Variants in HS3ST4 observed in about 807,000 individuals in gnomAD.
The protein encoded by HS3ST4 is heparan sulfate-glucosamine 3-sulfotransferase 4.
HS3ST4 carries 17 observed loss-of-function variants against 29.2 expected under a neutral mutation model. The observed-to-expected ratio is 0.58, with a 90% confidence interval of 0.40 to 0.87. The LOEUF is 0.87. Ranked by LOEUF, HS3ST4 falls within the 40% of genes least tolerant of loss-of-function variation. HS3ST4 has a pLI of 0.00. For missense variants in HS3ST4, 627 were observed against 634.5 expected, an observed-to-expected ratio of 0.99 and a Z score of 0.13; for synonymous variants, 314 against 285.7, an observed-to-expected ratio of 1.10 and a Z score of -1.00.
chr16:26,085,389 A>T (rs1341557342), intron 1 of HS3ST4, among the ~76,000 whole-genome samples: 1 of 152,244 alleles, frequency 6.6e-6, no homozygotes, highest in African/African-American at 2.4e-5. Context: ...CAGCAGTATC[A>T]TAGATTATTA....
intron 1 of HS3ST4, among the ~76,000 whole-genome samples, chr16:25,969,500 C>T (rs1004847219): frequency 7.2e-5 from 11 of 152,174 alleles, no homozygotes; most frequent in Admixed American, 3.3e-4. Context: ...AAGTTCATTG[C>T]GAAACAGTCA....
intron 1 of HS3ST4, among the ~76,000 whole-genome samples, chr16:26,087,891 AT>A (rs1326361241): frequency 6.6e-6 from 1 of 152,100 alleles, no homozygotes; most frequent in Non-Finnish European, 1.5e-5. Flanking sequence ...TCCACTCCAA[AT>A]TATTTCGCTT....
intron 1 of HS3ST4, among the ~76,000 whole-genome samples, chr16:25,970,226 T>C (rs73521531): frequency 0.11 from 16,491 of 152,280 alleles, 970 homozygotes; most frequent in Non-Finnish European, 0.12. Context: ...TTGCATGGGC[T>C]GCATTACCTG....
At position 25,869,306 on chromosome 16, in the gene HS3ST4, C is replaced by T. The variant is rs116618501; in HGVS notation, c.734+176155C>T. On this transcript the variant is annotated intron_variant, in intron 1 of 1. Transcript: ENST00000331351. Reference sequence around the variant, plus strand: ...CTGTTAAATAATATCACTTTCTCCGCAAGCAAAGGACAGGTTGTGACGACT... The same window carrying T: ...CTGTTAAATAATATCACTTTCTCCGTAAGCAAAGGACAGGTTGTGACGACT... Among the ~76,000 whole-genome samples, 744 of 152,076 alleles carry T rather than the reference C, an allele frequency of 4.9e-3. 8 individuals carry two copies. The highest frequency in any genetic ancestry group is 0.017 in the African/African-American group (711 of 41,486).
chr16:25,965,877 C>T (rs1968837542), intron 1 of HS3ST4, among the ~76,000 whole-genome samples: 1 of 152,146 alleles, frequency 6.6e-6, no homozygotes, highest in African/African-American at 2.4e-5. Flanking sequence ...CAGGGAATTG[C>T]TGTGTTTCCC....
intron 1 of HS3ST4, among the ~76,000 whole-genome samples, chr16:25,696,408 A>G (rs1966297326): frequency 6.6e-6 from 1 of 152,148 alleles, no homozygotes; most frequent in Admixed American, 6.5e-5. Flanking sequence ...TTGCTCTCTC[A>G]TGGTTTGCAG....
chr16:25,874,043 C>T (rs147951223), intron 1 of HS3ST4, among the ~76,000 whole-genome samples: 147 of 152,258 alleles, frequency 9.7e-4, no homozygotes, highest in African/African-American at 3.5e-3. Flanking sequence ...TCACGCTTTC[C>T]TCTTCCAAAC....
chr16:26,127,236 A>G (rs2141814027), intron 1 of HS3ST4, among the ~76,000 whole-genome samples: 1 of 152,320 alleles, frequency 6.6e-6, no homozygotes, highest in East Asian at 1.9e-4. Context: ...GGGAAAATCA[A>G]AGCCATTAAG....
At chr16:26,117,818 G>T (rs1899219902) in intron 1 of HS3ST4, among the ~76,000 whole-genome samples, 1 of 152,158 alleles carries the variant, frequency 6.6e-6, no homozygotes, top group African/African-American at 2.4e-5. Flanking sequence ...CACTTATTAA[G>T]CACCTATGAT....
At chr16:25,844,387 T>G (rs930821295) in intron 1 of HS3ST4, among the ~76,000 whole-genome samples, 1 of 152,248 alleles carries the variant, frequency 6.6e-6, no homozygotes, top group Non-Finnish European at 1.5e-5. Context: ...TTATTTTATT[T>G]TAAAACAACA....
intron 1 of HS3ST4, among the ~76,000 whole-genome samples, chr16:26,070,540 C>T (rs1378982246): frequency 6.6e-6 from 1 of 152,154 alleles, no homozygotes; most frequent in Admixed American, 6.5e-5. Flanking sequence ...TGTTTACAGT[C>T]ACTAAGTTTT....
intron 1 of HS3ST4, among the ~76,000 whole-genome samples, chr16:25,762,819 G>A (rs1437423698): frequency 1.4e-5 from 2 of 145,920 alleles, no homozygotes; most frequent in Non-Finnish European, 3.0e-5. Context: ...TGAGGCCGCA[G>A]TGAGCTGTGT....
intron 1 of HS3ST4, among the ~76,000 whole-genome samples, chr16:26,110,749 C>G (rs968581963): frequency 2.0e-5 from 3 of 152,106 alleles, no homozygotes; most frequent in African/African-American, 7.2e-5. Context: ...CTACTGAGGA[C>G]TCCTCACGGC....
chr16:25,971,025 A>G (rs774676508), intron 1 of HS3ST4, among the ~76,000 whole-genome samples: 43 of 151,322 alleles, frequency 2.8e-4, no homozygotes, highest in Non-Finnish European at 5.5e-4. Flanking sequence ...TATTTTTTGT[A>G]TTTTTAGTAG....
At chr16:25,701,649 T>G (rs2141580797) in intron 1 of HS3ST4, among the ~76,000 whole-genome samples, 1 of 152,356 alleles carries the variant, frequency 6.6e-6, no homozygotes, top group East Asian at 1.9e-4. Flanking sequence ...TTATTAATTC[T>G]GTGCAGCTGT....
At chr16:25,698,904 G>T (rs1366924070) in intron 1 of HS3ST4, among the ~76,000 whole-genome samples, 1 of 152,208 alleles carries the variant, frequency 6.6e-6, no homozygotes, top group African/African-American at 2.4e-5. Flanking sequence ...GCCTGCCTGT[G>T]CTCTGGCTGA....
rs1898288418 is a variant in HS3ST4, at chr16:26,136,712, C to G, written c.*464C>G. The G allele has an allele frequency of 1.2e-5, 2 of 169,930 alleles. No individual in the cohort carries two copies. Among genetic ancestry groups the G allele is most frequent in the African/African-American group, 4.8e-5 (2 of 41,684 alleles). The allele number at this position is 169,930 out of a possible 1,614,324, so 10.5% of individuals were successfully genotyped here. A position where few individuals can be genotyped will look rare whatever the true frequency, so the allele number is the denominator to read the frequency against. On this transcript the variant is annotated 3_prime_UTR_variant, in exon 2 of 2. Transcript: ENST00000331351. ...TGCTTGGGCTTCTCCCCAGAATGCA[C>G]TTTGTGGCTGAGTGCTCCAGGACTC...
chr16:25,782,741 T>C (rs919316442), intron 1 of HS3ST4, among the ~76,000 whole-genome samples: 1 of 152,234 alleles, frequency 6.6e-6, no homozygotes, highest in Non-Finnish European at 1.5e-5. Flanking sequence ...CAGCTTATTT[T>C]ATTAATTTCC....
At chr16:25,754,907 A>G (rs917631536) in intron 1 of HS3ST4, among the ~76,000 whole-genome samples, 1 of 151,750 alleles carries the variant, frequency 6.6e-6, no homozygotes, top group Non-Finnish European at 1.5e-5. Context: ...CAACCTGCCC[A>G]TCCACCCATC....
Sources: allele counts gnomAD v4.1 joint callset (sites outside exome capture counted in the v4.1 genomes callset), GRCh38; gene constraint gnomAD v4.1.1; transcripts MANE v1.5; gene names NCBI Gene and HGNC (gene_info 2026-07-23, HGNC 2026-07-21).